Variants in PTPRN2 observed in about 807,000 individuals in gnomAD.
PTPRN2 encodes protein tyrosine phosphatase receptor type N2, also known as receptor-type tyrosine-protein phosphatase N2.
A neutral mutation model predicts 118.8 loss-of-function variants in PTPRN2; 74 were observed. The ratio of observed to expected loss-of-function variants is 0.62; its 90% CI spans 0.52 to 0.76. The LOEUF (loss-of-function observed/expected upper bound fraction) is 0.76, where lower values mean the gene tolerates loss of function less well. PTPRN2 is among the 30% of genes least tolerant of loss of function. The pLI, the probability that PTPRN2 is intolerant of heterozygous loss-of-function variation, is 0.00. For synonymous variants in PTPRN2, 641 were observed against 608.0 expected (o/e 1.05, Z -0.80); for missense variants, 1,481 against 1,394.4 (o/e 1.06, Z -0.99).
chr7:158,136,986 CAA>C (rs199668193), intron 7 of PTPRN2, among the ~76,000 whole-genome samples: 3 of 130,208 alleles, frequency 2.3e-5, no homozygotes, highest in Admixed American at 8.3e-5. Flanking sequence ...TAACTCACGG[CAA>C]AAAAAAACCC....
chr7:157,750,017 C>A (rs1463421494), intron 12 of PTPRN2, among the ~76,000 whole-genome samples: 1 of 151,384 alleles, frequency 6.6e-6, no homozygotes, highest in Non-Finnish European at 1.5e-5. Flanking sequence ...GTAGACTGTT[C>A]GGGTGACTCT....
At position 157,944,146 on chromosome 7, in the gene PTPRN2, T is replaced by G. The variant is rs114999245; in HGVS notation, c.1724-45409A>C. Among the ~76,000 whole-genome samples the G allele has an allele frequency of 2.7e-3, 410 of 152,334 alleles. 3 individuals carry two copies. The highest frequency in any genetic ancestry group is 9.4e-3 in the African/African-American group (392 of 41,568). On this transcript the variant is annotated intron_variant, in intron 11 of 22. Transcript: ENST00000389418. The surrounding 1 kb of genome is among the most constrained non-coding windows in gnomAD (Gnocchi z 4.3). ...CAGGACAGGCTCCAGATGCCCGGCC[T>G]TCATGCAGCAAACACCTTCACAGGG...
At chr7:158,218,590 T>A (rs767371555) in intron 3 of PTPRN2, among the ~76,000 whole-genome samples, 5 of 152,172 alleles carry the variant, frequency 3.3e-5, no homozygotes, top group Non-Finnish European at 7.4e-5. Context: ...ATATCAATAT[T>A]AACCTTGAAT....
At chr7:157,589,020 T>C (rs1563238210) in intron 17 of PTPRN2, among the ~76,000 whole-genome samples, 1 of 152,074 alleles carries the variant, frequency 6.6e-6, no homozygotes, top group Non-Finnish European at 1.5e-5. Flanking sequence ...GTAAGGGCCT[T>C]CCCACCGTTC....
In PTPRN2 at chr7:158,328,791, AT is replaced by A. The variant is rs1192663237; in HGVS notation, c.164-11860del. On this transcript the variant is annotated intron_variant, in intron 2 of 22. Coordinates refer to ENST00000389418, the MANE Select transcript of PTPRN2 (RefSeq NM_002847.5). ...GCAAGTCACTAGGAGCGGGGCCTCC[AT>A]TCCCCCCCCCCCGCCACCCAGGGAT... is the stretch of plus-strand genomic sequence containing the variant. Among the ~76,000 whole-genome samples, 10 of 94,966 alleles carry A rather than the reference AT, an allele frequency of 1.1e-4. No individual in the cohort carries two copies. The South Asian group carries it at 2.1e-3, about 20-fold the overall frequency. 62.3% of individuals were successfully genotyped at this position (94,966 alleles called of 152,430 possible). A position where few individuals can be genotyped will look rare whatever the true frequency, so the allele number is the denominator to read the frequency against.
rs78693577 is a variant in PTPRN2 at position 157,809,417 on chromosome 7, G to A, written c.1788+89256C>T. ...GTGGAAGGAGCCCCGCGCCACCCCC[G>A]CCGTGTGAGCTCCCGCGTAGGCCCA... On this transcript the variant is annotated intron_variant, in intron 12 of 22. Transcript: ENST00000389418. Among the ~76,000 whole-genome samples the A allele has an allele frequency of 5.7e-3, 861 of 152,304 alleles. 21 individuals are homozygous for A. In the South Asian group the frequency reaches 0.064, roughly 11 times the overall value.
chr7:158,274,200 A>G (rs376128824), intron 3 of PTPRN2, among the ~76,000 whole-genome samples: 37 of 57,894 alleles, frequency 6.4e-4, no homozygotes, highest in South Asian at 1.6e-3. Flanking sequence ...GGAGCCGCAG[A>G]CACAGGGGGA....
chr7:158,072,260 G>C (rs914263307), intron 11 of PTPRN2, among the ~76,000 whole-genome samples: 1 of 152,178 alleles, frequency 6.6e-6, no homozygotes, highest in Non-Finnish European at 1.5e-5. Flanking sequence ...TGGCCGATAA[G>C]TCCGAGGCCT....
chr7:157,700,134 C>A (rs71538045), intron 12 of PTPRN2, among the ~76,000 whole-genome samples: 1 of 152,150 alleles, frequency 6.6e-6, no homozygotes, highest in South Asian at 2.1e-4. Flanking sequence ...TCTAGTCTTA[C>A]GTTTTCTAAG....
At chr7:157,718,154 T>C (rs1264855892) in intron 12 of PTPRN2, among the ~76,000 whole-genome samples, 1 of 152,212 alleles carries the variant, frequency 6.6e-6, no homozygotes, top group Non-Finnish European at 1.5e-5. Context: ...AATAAATACA[T>C]CTGTAATAAA....
intron 2 of PTPRN2, among the ~76,000 whole-genome samples, chr7:158,331,722 C>T: frequency 1.3e-5 from 2 of 150,898 alleles, no homozygotes; most frequent in African/African-American, 5.0e-5. Flanking sequence ...CACATTCTCA[C>T]CATAAGAGCT....
chr7:158,093,503 G>A lies in PTPRN2; in HGVS notation c.1644-12126C>T, dbSNP rs919918885. 1.3e-5 allele frequency among the ~76,000 whole-genome samples: 2 copies of A among 152,118 alleles called. No individual in the cohort carries two copies. Among genetic ancestry groups the A allele is most frequent in the East Asian group, 1.9e-4 (1 of 5,196 alleles). On this transcript the variant is annotated intron_variant, in intron 10 of 22. Transcript: ENST00000389418. The surrounding 1 kb of genome is among the most constrained non-coding windows in gnomAD (Gnocchi z 4.4). ...CCAGTCTTGTTCCTTGTTCACTGGC[G>A]TCCCTCACTCTAGGCAAGCCCACAG...
intron 13 of PTPRN2, among the ~76,000 whole-genome samples, chr7:157,677,588 A>G (rs924297199): frequency 6.6e-6 from 1 of 152,208 alleles, no homozygotes; most frequent in African/African-American, 2.4e-5. Flanking sequence ...CACTTTCCAG[A>G]AAAACGTTCA....
chr7:158,221,244 G>A lies in PTPRN2; in HGVS notation c.278-15971C>T, dbSNP rs111904667. On this transcript the variant is annotated intron_variant, in intron 3 of 22. Coordinates refer to ENST00000389418, the MANE Select transcript of PTPRN2 (RefSeq NM_002847.5). ...AGATGGCTTAAAGATTTAAATGTAA[G>A]ACCTAAAACCATAAAAACCCTAGAA... Among the ~76,000 whole-genome samples, 194 of 151,788 alleles carry A rather than the reference G, an allele frequency of 1.3e-3. 1 individual carries two copies. Among genetic ancestry groups the A allele is most frequent in the African/African-American group, 4.4e-3 (181 of 41,384 alleles).
At chr7:157,726,089 G>T (rs1201100902) in intron 12 of PTPRN2, among the ~76,000 whole-genome samples, 3 of 92,298 alleles carry the variant, frequency 3.3e-5, no homozygotes, top group Admixed American at 1.1e-4. Context: ...AGTGTGGCCA[G>T]ACCCTCACCT....
At chr7:157,923,884 A>G (rs142041660) in intron 11 of PTPRN2, among the ~76,000 whole-genome samples, 45 of 152,320 alleles carry the variant, frequency 3.0e-4, no homozygotes, top group South Asian at 2.5e-3. Flanking sequence ...GGTTGCTAAC[A>G]TATCTACCTG....
At position 158,269,752 on chromosome 7, in the gene PTPRN2, AG is replaced by A. The variant is rs1276045341; in HGVS notation, c.277+47066del. 1.9e-4 allele frequency among the ~76,000 whole-genome samples: 28 copies of A among 148,870 alleles called. No individual in the cohort carries two copies. In the East Asian group the frequency reaches 2.2e-3, roughly 12 times the overall value. On this transcript the variant is annotated intron_variant, in intron 3 of 22. Transcript: ENST00000389418. ...GAAACAGAGAGACAGAGACAGAGAG[AG>A]ACAGAGACAGAGGAACAGAGACAGA...
At chr7:157,589,821 C>G (rs1800885207) in intron 17 of PTPRN2, among the ~76,000 whole-genome samples, 1 of 152,200 alleles carries the variant, frequency 6.6e-6, no homozygotes, top group Non-Finnish European at 1.5e-5. Context: ...TACGCACCAC[C>G]AAGTCCAGAC....
chr7:158,150,323 C>G (rs544821814), intron 6 of PTPRN2, among the ~76,000 whole-genome samples: 5 of 152,366 alleles, frequency 3.3e-5, no homozygotes, highest in African/African-American at 4.8e-5. Context: ...ATTCAGCTGA[C>G]AAGCATGTTC....
Sources: gnomAD v4.1 joint callset for allele counts (sites outside exome capture counted in the v4.1 genomes callset) on GRCh38, gnomAD v4.1.1 for gene constraint, Gnocchi (gnomAD v3.1) non-coding constraint, MANE v1.5 for transcripts, NCBI Gene and HGNC (gene_info 2026-07-23, HGNC 2026-07-21) for gene names.